The following ANGEL1 variants were observed in gnomAD, a reference collection of about 807,000 sequenced individuals.
ANGEL1 encodes the protein angel homolog 1.
ANGEL1 carries 62 observed loss-of-function variants against 76.4 expected under a neutral mutation model. The ratio of observed to expected loss-of-function variants is 0.81; its 90% CI spans 0.66 to 1.00. The LOEUF (loss-of-function observed/expected upper bound fraction) is 1.00. Ranked by LOEUF, ANGEL1 falls within the 50% of genes least tolerant of loss-of-function variation. The probability of loss-of-function intolerance (pLI) is 0.00; values close to 1 mark genes in which losing one functional copy is unlikely to be tolerated. For missense variants in ANGEL1, 737 were observed against 836.7 expected (o/e 0.88, Z 1.47); for synonymous variants, 340 against 331.7 (o/e 1.03, Z -0.27).
intron 7 of ANGEL1, among the ~76,000 whole-genome samples, chr14:76,793,728 A>G (rs1284044618): frequency 6.6e-6 from 1 of 152,010 alleles, no homozygotes; most frequent in Non-Finnish European, 1.5e-5. Flanking sequence ...TGGGGGATAC[A>G]TACCGAGTCC....
intron 9 of ANGEL1, 109 bp from the exon 10 acceptor site, chr14:76,789,497 G>A: frequency 8.0e-7 from 1 of 1,243,174 alleles, no homozygotes; most frequent in Non-Finnish European, 1.1e-6. Flanking sequence ...CATCCCCTTG[G>A]CTGCCCACTG....
chr14:76,802,065 G>A (rs1028015567), intron 7 of ANGEL1, among the ~76,000 whole-genome samples: 1 of 152,008 alleles, frequency 6.6e-6, no homozygotes, highest in East Asian at 1.9e-4. Context: ...CCAGCTACTC[G>A]GGAGGCTGAG....
intron 7 of ANGEL1, among the ~76,000 whole-genome samples, chr14:76,799,237 A>G (rs911335484): frequency 4.9e-5 from 7 of 144,044 alleles, no homozygotes; most frequent in African/African-American, 1.8e-4. Flanking sequence ...AGAAAAATGA[A>G]CTCACACACT....
intron 7 of ANGEL1, among the ~76,000 whole-genome samples, chr14:76,791,712 C>T (rs1894410682): frequency 1.3e-5 from 2 of 152,278 alleles, no homozygotes; most frequent in South Asian, 4.1e-4. Context: ...CCTCCTCTGC[C>T]ACTCAATTCC....
chr14:76,803,418 C>T lies in ANGEL1; in HGVS notation c.1571G>A (p.Arg524Gln), dbSNP rs1408138536. The change falls in exon 7 of 10, where the codon CGA becomes CAA. Residue 524 changes from arginine to glutamine, a missense_variant. Physicochemically the swap from Arg to Gln is conservative, Grantham distance 43. This residue lies in a region of ANGEL1 where 296 missense variants were observed against 387.2 expected (regional missense o/e 0.76). Coordinates refer to ENST00000251089, the MANE Select transcript of ANGEL1 (RefSeq NM_015305.4). ...RFRFCSIACQ[R>Q]PVGLVLMEGV... is the part of the protein sequence containing the mutation. ...TTCCATAAGGACCAGTCCTACTGGT[C>T]GCTGACAAGCGATGCTGCAGAAGCG... 6 of 1,614,188 alleles carry T rather than the reference C, an allele frequency of 3.7e-6. No homozygotes were observed. Among genetic ancestry groups the T allele is most frequent in the Middle Eastern group, 1.7e-4 (1 of 6,048 alleles).
At chr14:76,809,716 AGCC>A (rs1895030500) in intron 1 of ANGEL1, 73 bp from the exon 2 acceptor site, 1 of 1,348,468 alleles carries the variant, frequency 7.4e-7, no homozygotes, top group Non-Finnish European at 1.0e-6. Context: ...CTAAAACATA[AGCC>A]CAATAAAAGC....
At chr14:76,791,880 T>C (rs1348693413) in intron 7 of ANGEL1, among the ~76,000 whole-genome samples, 1 of 152,118 alleles carries the variant, frequency 6.6e-6, no homozygotes, top group Non-Finnish European at 1.5e-5. Flanking sequence ...CACACACACA[T>C]ACATATCATA....
At chr14:76,801,995 T>C (rs1894778340) in intron 7 of ANGEL1, among the ~76,000 whole-genome samples, 1 of 150,012 alleles carries the variant, frequency 6.7e-6, no homozygotes, top group Admixed American at 6.6e-5. Context: ...CTGTCTCTAC[T>C]AAAATACAAA....
At chr14:76,810,849 A>G (rs973402993) in intron 1 of ANGEL1, among the ~76,000 whole-genome samples, 6 of 152,210 alleles carry the variant, frequency 3.9e-5, no homozygotes, top group Admixed American at 6.5e-5. Flanking sequence ...GTGAGAGCAA[A>G]CAACTCCTAC....
chr14:76,806,389 C>T (rs1480176078), intron 5 of ANGEL1, 27 bp downstream of exon 5: 1 of 1,594,828 alleles, frequency 6.3e-7, no homozygotes, highest in Non-Finnish European at 8.6e-7. Flanking sequence ...CATGTTCCCA[C>T]CCACACCGTG....
intron 3 of ANGEL1, 138 bp from the exon 4 acceptor site, chr14:76,807,640 G>T: frequency 1.2e-6 from 1 of 818,284 alleles, no homozygotes; most frequent in Non-Finnish European, 2.0e-6. Context: ...GCAAGAACAG[G>T]CCCAGACTTA....
chr14:76,806,929 G>A, intron 4 of ANGEL1, 80 bp from the exon 5 acceptor site: 18 of 1,440,688 alleles, frequency 1.2e-5, no homozygotes, highest in Non-Finnish European at 1.7e-5. Flanking sequence ...AGCAGTCCCA[G>A]TGTATGCCCC....
intron 7 of ANGEL1, among the ~76,000 whole-genome samples, chr14:76,792,611 G>A (rs576932730): frequency 3.6e-4 from 55 of 152,024 alleles, no homozygotes; most frequent in African/African-American, 1.2e-3. Context: ...GTGATATGTC[G>A]CAATAGAATA....
chr14:76,807,428 A>G lies in ANGEL1; in HGVS notation c.946+5T>C, dbSNP rs1894951380. ...GCTGGCAAGCATCCCAGGGAGCTGCATTACCCATCATTCGCAGAGAGGGTT... is the reference window on the plus strand; with the variant it reads ...GCTGGCAAGCATCCCAGGGAGCTGCGTTACCCATCATTCGCAGAGAGGGTT... On this transcript the variant is annotated splice_donor_5th_base_variant and intron_variant, in intron 4 of 9. Transcript: ENST00000251089. The G allele has an allele frequency of 6.2e-7, 1 of 1,610,654 alleles. No homozygotes were observed. Among genetic ancestry groups the G allele is most frequent in the Non-Finnish European group, 8.5e-7 (1 of 1,178,336 alleles).
chr14:76,807,532 C>A (rs764220182), intron 3 of ANGEL1, 30 bp from the exon 4 acceptor site: 3 of 1,609,384 alleles, frequency 1.9e-6, no homozygotes, highest in Non-Finnish European at 2.5e-6. Flanking sequence ...CCCAATCACT[C>A]CAGAGTGCTG....
chr14:76,810,312 T>C (rs1895046932), intron 1 of ANGEL1: 2 of 423,624 alleles, frequency 4.7e-6, no homozygotes, highest in South Asian at 1.7e-5. Context: ...TCCTAGCTAC[T>C]TGGGAGGCTG....
In ANGEL1 at chr14:76,806,697, C is replaced by A; in HGVS notation, c.1099G>T (p.Val367Leu). The A allele has an allele frequency of 6.2e-7, 1 of 1,613,926 alleles. No individual in the cohort carries two copies. Among genetic ancestry groups the A allele is most frequent in the Non-Finnish European group, 8.5e-7 (1 of 1,180,020 alleles). ...ELLNRDNVGL[V>L]LLLQPLVPEG... ...GGGACGAGTGGTTGCAGTAGCAACA[C>A]TAAGCCCACATTATCCCGATTAAGT... Residue 367 changes from valine to leucine, a missense_variant, in exon 5 of 10, where the codon GTG becomes TTG. Around this residue, in one of 2 missense-constraint regions of ANGEL1, gnomAD observed 296 missense variants for 387.2 expected, o/e 0.76. Transcript: ENST00000251089.
rs2140228117 is a variant in ANGEL1 at position 76,806,681 on chromosome 14, G to A, written c.1115C>T (p.Pro372Leu). 6.2e-7 allele frequency: 1 copy of A among 1,613,084 alleles called. No homozygotes were observed. The highest frequency in any genetic ancestry group is 1.6e-4 in the Middle Eastern group (1 of 6,062). Residue 372 changes from proline (P) to leucine (L), a missense_variant, in exon 5 of 10, where the codon CCA (proline) becomes CTA (leucine). By Grantham distance (98) the Pro-to-Leu change is moderately conservative. Transcript: ENST00000251089. ...DNVGLVLLLQ[P>L]LVPEGLGQVS... ...TTGTCCCAGGCCTTCTGGGACGAGT[G>A]GTTGCAGTAGCAACACTAAGCCCAC... is the stretch of plus-strand genomic sequence containing the variant.
In ANGEL1 at chr14:76,809,428, G is replaced by A; in HGVS notation, c.280C>T (p.Leu94=). 1.2e-6 allele frequency: 2 copies of A among 1,614,260 alleles called. No individual in the cohort carries two copies. Among genetic ancestry groups the A allele is most frequent in the Non-Finnish European group, 1.7e-6 (2 of 1,180,050 alleles). The change falls in exon 2 of 10, where the codon CTG becomes TTG. Residue 94 remains leucine, a synonymous_variant. Coordinates refer to ENST00000251089, the MANE Select transcript of ANGEL1 (RefSeq NM_015305.4). ...TTCTCTTCTCCAGGATTATCCATCAGAAGTGCCAGGCTGCTCTGGGCTAGT... is the reference window on the plus strand; with the variant it reads ...TTCTCTTCTCCAGGATTATCCATCAAAAGTGCCAGGCTGCTCTGGGCTAGT... ...KGLAQSSLAL[L]MDNPGEENAA...
Sources: allele counts gnomAD v4.1 joint callset (sites outside exome capture counted in the v4.1 genomes callset), GRCh38; gene constraint gnomAD v4.1.1; regional missense constraint gnomAD v4.1.1; transcripts MANE v1.5; gene names NCBI Gene and HGNC (gene_info 2026-07-23, HGNC 2026-07-21).